Variants in AP4B1 observed in about 807,000 individuals in gnomAD.
AP4B1 encodes adaptor related protein complex 4 subunit beta 1.
A neutral mutation model predicts 76.5 loss-of-function variants in AP4B1; 49 were observed. That is an observed-to-expected ratio of 0.64 (90% confidence interval 0.51 to 0.81). The LOEUF (loss-of-function observed/expected upper bound fraction) is 0.81. Ranked by LOEUF, AP4B1 falls within the 40% of genes least tolerant of loss-of-function variation. The pLI is 0.00. For synonymous variants in AP4B1, 330 were observed against 333.3 expected, an observed-to-expected ratio of 0.99 and a Z score of 0.11; for missense variants, 911 against 904.9, an observed-to-expected ratio of 1.01 and a Z score of -0.09.
rs147184856 is a variant in AP4B1 at position 113,900,109 on chromosome 1, G to T, written c.909C>A (p.Ile303=). ...CFVALCHVRQ[I]LHSLPGHFSS... Reference sequence around the variant, plus strand: ...TAAAGTGACCTGGTAAACTATGCAAGATCTGGCGTACATGACAAAGAGCAA... The same window carrying T: ...TAAAGTGACCTGGTAAACTATGCAATATCTGGCGTACATGACAAAGAGCAA... The change falls in exon 5 of 10, where the codon ATC becomes ATA. Residue 303 remains isoleucine (I), a synonymous_variant. Coordinates refer to ENST00000369569, the MANE Select transcript of AP4B1 (RefSeq NM_001253852.3). 8.2e-5 allele frequency: 133 copies of T among 1,614,194 alleles called. No individual in the cohort carries two copies. The Middle Eastern group carries it at 1.6e-3, about 20-fold the overall frequency.
intron 6 of AP4B1, among the ~76,000 whole-genome samples, chr1:113,898,321 T>G (rs1667747265): frequency 6.6e-6 from 1 of 152,138 alleles, no homozygotes; most frequent in Admixed American, 6.5e-5. Context: ...GAAGAAGACA[T>G]GCAGGATTGG....
chr1:113,899,030 A>C (rs1237912466), intron 5 of AP4B1: 5 of 1,216,294 alleles, frequency 4.1e-6, no homozygotes, highest in Non-Finnish European at 5.4e-6. Flanking sequence ...AGCTCATAGC[A>C]AAACAATTCC....
chr1:113,896,347 A>G lies in AP4B1; in HGVS notation c.1421T>C (p.Met474Thr). ...GCGCAGCAAAGCAGTGAGCAGCTCC[A>G]TCTTAACAGCTGGAAATGTTTCCGA... Reference protein sequence around the residue: ...VKSETFPAVKMELLTALLRLF... With the variant: ...VKSETFPAVKTELLTALLRLF... The change falls in exon 8 of 10, where the codon ATG (methionine) becomes ACG (threonine). Residue 474 changes from methionine to threonine, a missense_variant. Physicochemically the swap from Met to Thr is moderately conservative, Grantham distance 81 (BLOSUM62 -1). Transcript: ENST00000369569. 6.2e-7 allele frequency: 1 copy of G among 1,614,268 alleles called. No individual in the cohort carries two copies. Among genetic ancestry groups the G allele is most frequent in the Non-Finnish European group, 8.5e-7 (1 of 1,180,052 alleles).
chr1:113,896,321 G>A lies in AP4B1; in HGVS notation c.1447C>T (p.Leu483Phe). The stretch of plus-strand genomic sequence containing the variant: ...CACTCAGCAGGTCGGGAGAGGAAAA[G>A]GCGCAGCAAAGCAGTGAGCAGCTCC... ...KMELLTALLR[L>F]FLSRPAECQD... is the part of the protein sequence containing the mutation. The change falls in exon 8 of 10, where the codon CTT (leucine) becomes TTT (phenylalanine). Residue 483 changes from leucine (L) to phenylalanine (F), a missense_variant. Leu to Phe is a conservative substitution (Grantham distance 22). Coordinates refer to ENST00000369569, the MANE Select transcript of AP4B1 (RefSeq NM_001253852.3). 6.2e-7 allele frequency: 1 copy of A among 1,614,220 alleles called. No homozygotes were observed. The highest frequency in any genetic ancestry group is 8.5e-7 in the Non-Finnish European group (1 of 1,180,040).
At position 113,899,372 on chromosome 1, in the gene AP4B1, T is replaced by G. The variant is rs149324850; in HGVS notation, c.1114+532A>C. ...AAAAGTCTGTAAGATTTAGGAATTA[T>G]TCTGTGTTGGTCTACATTCAGCACA... On this transcript the variant is annotated intron_variant, in intron 5 of 9. Coordinates refer to ENST00000369569, the MANE Select transcript of AP4B1 (RefSeq NM_001253852.3). 301 of 1,011,134 alleles carry G rather than the reference T, an allele frequency of 3.0e-4. 4 individuals carry two copies. The African/African-American group carries it at 4.8e-3, about 16-fold the overall frequency. 62.6% of individuals were successfully genotyped at this position (1,011,134 alleles called of 1,614,324 possible).
At chr1:113,904,575 A>T (rs1360804315) in intron 1 of AP4B1, 30 bp downstream of exon 1, 1 of 1,601,146 alleles carries the variant, frequency 6.2e-7, no homozygotes, top group East Asian at 2.2e-5. Flanking sequence ...CAAAGGGAGC[A>T]GTTAGCACGC....
Position 113,901,996 on chromosome 1 carries a change from G to A in AP4B1, c.339-111C>T, listed in dbSNP as rs910922565. The stretch of plus-strand genomic sequence containing the variant: ...GTAGATGCTGCACCCATCAGATCAT[G>A]AAGAATTGCAGAAAGCCTCTATCAA... On this transcript the variant is annotated intron_variant, in intron 2 of 9. Transcript: ENST00000369569. 4.5e-6 allele frequency: 6 copies of A among 1,343,918 alleles called. No homozygotes were observed. The African/African-American group carries it at 7.2e-5, about 16-fold the overall frequency. The allele number at this position is 1,343,918 out of a possible 1,614,324, so 83.2% of individuals were successfully genotyped here.
chr1:113,900,963 C>G (rs1376640956), intron 4 of AP4B1: 1 of 408,938 alleles, frequency 2.4e-6, no homozygotes, highest in Admixed American at 3.7e-5. Flanking sequence ...CAAAATTAGC[C>G]GGGCATGGTG....
rs145551290 is a variant in AP4B1, at chr1:113,896,260, A to G, written c.1508T>C (p.Ile503Thr). The G allele has an allele frequency of 1.6e-5, 26 of 1,614,068 alleles. No individual in the cohort carries two copies. Among genetic ancestry groups the G allele is most frequent in the Non-Finnish European group, 1.9e-5 (23 of 1,180,028 alleles). ...DMLGRLLYYC[I>T]EEEKDMAVRD... ...CTATTTCCTTCTGAAAAACCCACCT[A>G]TGCAGTAATACAACAAACGTCCTAG... The change falls in exon 8 of 10, where the codon ATA (isoleucine) becomes ACA (threonine). Residue 503 changes from isoleucine (I) to threonine (T), a missense_variant and splice_region_variant. Coordinates refer to ENST00000369569, the MANE Select transcript of AP4B1 (RefSeq NM_001253852.3).
At chr1:113,895,553 A>G (rs1667362833) in intron 9 of AP4B1, 61 bp from the exon 10 acceptor site, 3 of 1,600,066 alleles carry the variant, frequency 1.9e-6, no homozygotes, top group Non-Finnish European at 2.6e-6. Flanking sequence ...TAAGTTTTTT[A>G]TCCAAATTCC....
At chr1:113,899,817 T>C (rs1482279836) in intron 5 of AP4B1, 87 bp downstream of exon 5, 1 of 1,605,024 alleles carries the variant, frequency 6.2e-7, no homozygotes, top group African/African-American at 1.3e-5. Flanking sequence ...GCAAGATTCA[T>C]GCCCTTTGCT....
At position 113,902,703 on chromosome 1, in the gene AP4B1, G is replaced by C; in HGVS notation, c.273C>G (p.Cys91Trp). 6.2e-7 allele frequency: 1 copy of C among 1,614,150 alleles called. No homozygotes were observed. Among genetic ancestry groups the C allele is most frequent in the Non-Finnish European group, 8.5e-7 (1 of 1,180,030 alleles). ...TTGGATTGGGGTCTGAGCAGTCTTT[G>C]CACAGCGTATTGATGGCCAGGAGAG... ...DLALLAINTL[C>W]KDCSDPNPMV... Residue 91 changes from cysteine to tryptophan, a missense_variant, in exon 2 of 10, where the codon TGC becomes TGG. Transcript: ENST00000369569.
chr1:113,895,270 C>A lies in AP4B1; in HGVS notation c.2015G>T (p.Ser672Ile). 3 of 1,614,216 alleles carry A rather than the reference C, an allele frequency of 1.9e-6. No homozygotes were observed. In the South Asian group the frequency reaches 3.3e-5, roughly 18 times the overall value. Residue 672 changes from serine (S) to isoleucine (I), a missense_variant, in exon 10 of 10, where the codon AGT (serine) becomes ATT (isoleucine). By Grantham distance (142) the Ser-to-Ile change is moderately radical. Coordinates refer to ENST00000369569, the MANE Select transcript of AP4B1 (RefSeq NM_001253852.3). Reference sequence around the variant, plus strand: ...TTTCCATGGCCGAGACCCAGCCCTACTCATTGCGATGGTCTGGATGTTCAC... The same window carrying A: ...TTTCCATGGCCGAGACCCAGCCCTAATCATTGCGATGGTCTGGATGTTCAC... The part of the protein sequence containing the change: ...QVVNIQTIAM[S>I]RAGSRPWKAY...
At position 113,894,966 on chromosome 1, in the gene AP4B1, T is replaced by C. The variant is rs1667286839; in HGVS notation, c.*99A>G. On this transcript the variant is annotated 3_prime_UTR_variant, in exon 10 of 10. Transcript: ENST00000369569. ...GATTTCTAGATTTTCCACTCTCCTTTGTATCTGATATTATCTGGACTTACT... is the reference window on the plus strand; with the variant it reads ...GATTTCTAGATTTTCCACTCTCCTTCGTATCTGATATTATCTGGACTTACT... 5.4e-6 allele frequency: 7 copies of C among 1,298,222 alleles called. No homozygotes were observed. The East Asian group carries it at 1.5e-4, about 28-fold the overall frequency. The allele number at this position is 1,298,222 out of a possible 1,614,324, so 80.4% of individuals were successfully genotyped here.
rs371654471 is a variant in AP4B1, at chr1:113,897,956, C to T, written c.1199-13G>A. The T allele has an allele frequency of 1.1e-5, 18 of 1,613,904 alleles. No individual in the cohort carries two copies. Among genetic ancestry groups the T allele is most frequent in the Middle Eastern group, 3.3e-4 (2 of 6,068 alleles). On this transcript the variant is annotated splice_polypyrimidine_tract_variant and intron_variant, in intron 6 of 9. Coordinates refer to ENST00000369569, the MANE Select transcript of AP4B1 (RefSeq NM_001253852.3). ...GTCTGCACCACCACTACAATACAGG[C>T]CAGGGTACAAGAGCACAGGATTAGA...
At chr1:113,896,234 A>C in intron 8 of AP4B1, 24 bp downstream of exon 8, 2 of 1,613,078 alleles carry the variant, frequency 1.2e-6, no homozygotes, top group Non-Finnish European at 1.7e-6. Context: ...CATGGCAAAT[A>C]CTATTTCCTT....
intron 4 of AP4B1, chr1:113,900,720 A>G: frequency 2.6e-6 from 1 of 383,282 alleles, no homozygotes; most frequent in Non-Finnish European, 4.7e-6. Flanking sequence ...GAAGGGTAGA[A>G]CCTATTCCCA....
intron 6 of AP4B1, 69 bp downstream of exon 6, chr1:113,898,649 G>T: frequency 8.6e-7 from 1 of 1,167,274 alleles, no homozygotes; most frequent in Non-Finnish European, 1.3e-6. Context: ...CAACAAACAT[G>T]TTTTGAGCAA....
chr1:113,895,229 G>C lies in AP4B1; in HGVS notation c.2056C>G (p.Gln686Glu), dbSNP rs2100990410. Residue 686 changes from glutamine to glutamate, a missense_variant, in exon 10 of 10, where the codon CAG (glutamine) becomes GAG (glutamate). Coordinates refer to ENST00000369569, the MANE Select transcript of AP4B1 (RefSeq NM_001253852.3). ...SRPWKAYLSA[Q>E]DDTGCLFLTE... ...AAGAACAGACAGCCAGTATCATCCT[G>C]AGCACTGAGGTATGCTTTCCATGGC... The C allele has an allele frequency of 1.2e-6, 2 of 1,614,162 alleles. No individual in the cohort carries two copies. The highest frequency in any genetic ancestry group is 2.2e-5 in the East Asian group (1 of 44,888).
Sources: allele counts gnomAD v4.1 joint callset (sites outside exome capture counted in the v4.1 genomes callset), GRCh38; gene constraint gnomAD v4.1.1; transcripts MANE v1.5; gene names NCBI Gene and HGNC (gene_info 2026-07-23, HGNC 2026-07-21).